ADGRL3: variants seen among roughly 807,000 people sequenced by gnomAD.
ADGRL3 encodes calcium-independent alpha-latrotoxin receptor 3.
Under a neutral mutation model 153.5 loss-of-function variants are expected in ADGRL3, and 62 were observed. The ratio of observed to expected loss-of-function variants is 0.40; its 90% CI spans 0.33 to 0.50. The LOEUF (loss-of-function observed/expected upper bound fraction) is 0.50, where lower values mean the gene tolerates loss of function less well. Ranked by LOEUF, ADGRL3 falls within the 20% of genes least tolerant of loss-of-function variation. The probability of loss-of-function intolerance (pLI) is 0.47; values close to 1 mark genes in which losing one functional copy is unlikely to be tolerated. For missense variants in ADGRL3, 1,641 were observed against 1,859.4 expected (o/e 0.88, Z 2.16); for synonymous variants, 710 against 672.5 (o/e 1.06, Z -0.86).
At chr4:61,986,934 T>C (rs577474314) in intron 19 of ADGRL3, among the ~76,000 whole-genome samples, 1 of 152,256 alleles carries the variant, frequency 6.6e-6, no homozygotes, top group Non-Finnish European at 1.5e-5. Context: ...TGGTGTTTAC[T>C]TGAGAAGTTG....
chr4:61,441,019 C>T (rs2097523221), intron 2 of ADGRL3, among the ~76,000 whole-genome samples: 1 of 152,146 alleles, frequency 6.6e-6, no homozygotes. Context: ...ACTTACTCTC[C>T]AAAATTCCTT....
chr4:61,932,725 G>C (rs914934749), intron 13 of ADGRL3, among the ~76,000 whole-genome samples: 1 of 151,976 alleles, frequency 6.6e-6, no homozygotes, highest in Non-Finnish European at 1.5e-5. Context: ...TATTCTTTTG[G>C]AGTTTGAGAA....
intron 2 of ADGRL3, among the ~76,000 whole-genome samples, chr4:61,464,918 C>T (rs1275759431): frequency 6.6e-6 from 1 of 152,124 alleles, no homozygotes; most frequent in African/African-American, 2.4e-5. Context: ...GTCAGCAGAA[C>T]ATTATAACCG....
intron 1 of ADGRL3, among the ~76,000 whole-genome samples, chr4:61,277,927 G>A (rs1424839134): frequency 6.6e-6 from 1 of 152,162 alleles, no homozygotes; most frequent in African/African-American, 2.4e-5. Context: ...TGTAGAAGAA[G>A]CAGTAATGAC....
At chr4:62,036,646 A>G (rs1347450857) in intron 23 of ADGRL3, among the ~76,000 whole-genome samples, 1 of 152,126 alleles carries the variant, frequency 6.6e-6, no homozygotes, top group Non-Finnish European at 1.5e-5. Flanking sequence ...TTTTTAAAGC[A>G]CATGTTCAAA....
rs116335161 is a variant in ADGRL3 at position 61,319,507 on chromosome 4, C to G, written c.-239-63617C>G. ...CACCATGTTGTGTTAGTCTAGAATT[C>G]CCTCCCCTTTCCCTCATGTGTTGCA... On this transcript the variant is annotated intron_variant, in intron 1 of 26. Transcript: ENST00000683033. 5.9e-3 allele frequency among the ~76,000 whole-genome samples: 892 copies of G among 152,044 alleles called. 9 individuals are homozygous for G. Among genetic ancestry groups the G allele is most frequent in the African/African-American group, 0.02 (847 of 41,470 alleles).
intron 5 of ADGRL3, among the ~76,000 whole-genome samples, chr4:61,603,992 G>C (rs1211488299): frequency 2.6e-5 from 4 of 152,110 alleles, no homozygotes; most frequent in Admixed American, 2.6e-4. Flanking sequence ...TCTGATTGGA[G>C]ATCCTGCATG....
intron 17 of ADGRL3, among the ~76,000 whole-genome samples, chr4:61,976,191 T>C (rs1193454628): frequency 1.3e-5 from 2 of 152,186 alleles, no homozygotes; most frequent in Non-Finnish European, 2.9e-5. Context: ...GTTTTATAGG[T>C]GATTGAGTTA....
Position 61,751,418 on chromosome 4 carries a change from G to A in ADGRL3, c.1399+17864G>A, listed in dbSNP as rs150362488. Among the ~76,000 whole-genome samples the A allele has an allele frequency of 4.6e-3, 704 of 152,194 alleles. 2 individuals are homozygous for A. Among genetic ancestry groups the A allele is most frequent in the Middle Eastern group, 0.02 (6 of 294 alleles). On this transcript the variant is annotated intron_variant, in intron 8 of 26. Coordinates refer to ENST00000683033, the MANE Select transcript of ADGRL3 (RefSeq NM_001387552.1). ...CAAACACTATTAGGTACAGAGAAGG[G>A]AACTAAGGCTCAGAGATATAAAGTC...
intron 4 of ADGRL3, among the ~76,000 whole-genome samples, chr4:61,518,299 A>G (rs1243267918): frequency 1.3e-5 from 2 of 152,200 alleles, no homozygotes; most frequent in Non-Finnish European, 2.9e-5. Flanking sequence ...TTTGTGGAAA[A>G]TAAGCTGGGA....
At chr4:61,494,414 A>G (rs1284088219) in intron 2 of ADGRL3, among the ~76,000 whole-genome samples, 1 of 152,206 alleles carries the variant, frequency 6.6e-6, no homozygotes, top group Non-Finnish European at 1.5e-5. Context: ...GTTAGGATAG[A>G]GCATTGTGAT....
chr4:61,765,513 A>G (rs2096966041), intron 8 of ADGRL3, among the ~76,000 whole-genome samples: 1 of 152,104 alleles, frequency 6.6e-6, no homozygotes, highest in South Asian at 2.1e-4. Context: ...AGAGGACCGT[A>G]AGGGATATAA....
chr4:61,502,682 A>C (rs1040414421), intron 3 of ADGRL3, among the ~76,000 whole-genome samples: 2 of 152,294 alleles, frequency 1.3e-5, no homozygotes, highest in Admixed American at 6.5e-5. Flanking sequence ...TCTGTTTACA[A>C]TTAAAATACT....
Position 61,760,411 on chromosome 4 carries a change from T to G in ADGRL3, c.1399+26857T>G, listed in dbSNP as rs189810825. Reference sequence around the variant, plus strand: ...GCCTTGCCGTTTGATCTCAGACTGCTGTTCTGGGAATAAGCGAGGCTCCGT... The same window carrying G: ...GCCTTGCCGTTTGATCTCAGACTGCGGTTCTGGGAATAAGCGAGGCTCCGT... On this transcript the variant is annotated intron_variant, in intron 8 of 26. Transcript: ENST00000683033. 3.0e-3 allele frequency among the ~76,000 whole-genome samples: 457 copies of G among 152,272 alleles called. 3 individuals are homozygous for G. Among genetic ancestry groups the G allele is most frequent in the Middle Eastern group, 0.024 (7 of 294 alleles).
chr4:61,497,970 G>T lies in ADGRL3; in HGVS notation c.55+622G>T, dbSNP rs556186965. ...TCTTTACTACACTTTTGGAAAATCA[G>T]CTGAAATATTAATTATCTCATTTAT... On this transcript the variant is annotated intron_variant, in intron 3 of 26. Transcript: ENST00000683033. Among the ~76,000 whole-genome samples the T allele has an allele frequency of 1.1e-3, 166 of 152,142 alleles. 5 individuals carry two copies. The South Asian group carries it at 0.033, about 30-fold the overall frequency.
intron 1 of ADGRL3, among the ~76,000 whole-genome samples, chr4:61,364,580 T>G (rs1254669566): frequency 6.6e-6 from 1 of 152,148 alleles, no homozygotes; most frequent in Non-Finnish European, 1.5e-5. Flanking sequence ...CTATTTATTT[T>G]TGTAGCACAC....
chr4:61,962,733 G>A (rs2098992570), intron 17 of ADGRL3, among the ~76,000 whole-genome samples: 1 of 152,058 alleles, frequency 6.6e-6, no homozygotes, highest in African/African-American at 2.4e-5. Flanking sequence ...TGGTTAAAAA[G>A]TTACATTGTA....
At chr4:61,520,465 C>G (rs969051965) in intron 4 of ADGRL3, among the ~76,000 whole-genome samples, 3 of 152,122 alleles carry the variant, frequency 2.0e-5, no homozygotes, top group African/African-American at 7.2e-5. Context: ...ATCTGAAAAA[C>G]TCTACTCTGG....
chr4:61,814,334 C>A (rs1254576173), intron 9 of ADGRL3, among the ~76,000 whole-genome samples: 2 of 151,188 alleles, frequency 1.3e-5, no homozygotes, highest in Non-Finnish European at 2.9e-5. Flanking sequence ...ATATTAACAT[C>A]ATTTAGTTTT....
Sources: gnomAD v4.1 joint callset for allele counts (sites outside exome capture counted in the v4.1 genomes callset) on GRCh38, gnomAD v4.1.1 for gene constraint, MANE v1.5 for transcripts, NCBI Gene and HGNC (gene_info 2026-07-23, HGNC 2026-07-21) for gene names.